AP3D1: variants seen among roughly 807,000 people sequenced by gnomAD.
The protein encoded by AP3D1 is adaptor related protein complex 3 subunit delta 1.
Under a neutral mutation model 147.6 loss-of-function variants are expected in AP3D1, and 51 were observed. The observed-to-expected ratio is 0.35, with a 90% confidence interval of 0.28 to 0.44. AP3D1 has a LOEUF of 0.44. Ranked by LOEUF, AP3D1 falls within the 20% of genes least tolerant of loss-of-function variation. The probability of loss-of-function intolerance (pLI) is 1.00; values close to 1 mark genes in which losing one functional copy is unlikely to be tolerated. For missense variants in AP3D1, 1,421 were observed against 1,624.2 expected (o/e 0.87, Z 2.15); for synonymous variants, 760 against 663.0 (o/e 1.15, Z -2.25).
intron 4 of AP3D1, among the ~76,000 whole-genome samples, chr19:2,133,837 C>T (rs1050261946): frequency 5.5e-5 from 8 of 146,498 alleles, no homozygotes; most frequent in Middle Eastern, 3.4e-3. Context: ...TGGCCGTGCG[C>T]GGTGGCTCAC....
chr19:2,101,863 GA>G lies in AP3D1; in HGVS notation c.*309del. The G allele has an allele frequency of 2.8e-6, 1 of 360,874 alleles. No homozygotes were observed. Among genetic ancestry groups the G allele is most frequent in the Non-Finnish European group, 5.1e-6 (1 of 195,144 alleles). 22.4% of individuals were successfully genotyped at this position (360,874 alleles called of 1,614,324 possible). A position where few individuals can be genotyped will look rare whatever the true frequency, so the allele number is the denominator to read the frequency against. On this transcript the variant is annotated 3_prime_UTR_variant, in exon 32 of 32. Coordinates refer to ENST00000643116, the MANE Select transcript of AP3D1 (RefSeq NM_001261826.3). ...GCCCTGGCCCAGGACAGGAGCCCCT[GA>G]AGCCACATTCAAGGACTCGGCCCCC...
chr19:2,123,425 C>A lies in AP3D1; in HGVS notation c.907-19G>T, dbSNP rs371596397. Reference sequence around the variant, plus strand: ...CACAAAGCTGAAAAGAAGAAAAAAACGATGCTGGTTACATCCTCTAAACCA... The same window carrying A: ...CACAAAGCTGAAAAGAAGAAAAAAAAGATGCTGGTTACATCCTCTAAACCA... On this transcript the variant is annotated intron_variant, in intron 10 of 31. Coordinates refer to ENST00000643116, the MANE Select transcript of AP3D1 (RefSeq NM_001261826.3). 6.2e-7 allele frequency: 1 copy of A among 1,613,358 alleles called. No homozygotes were observed. The highest frequency in any genetic ancestry group is 1.3e-5 in the African/African-American group (1 of 74,916).
At chr19:2,116,159 G>GTGAGGGTAGAGGGTGC (rs763013496) in intron 18 of AP3D1, 48 bp downstream of exon 18, 1 of 1,588,128 alleles carries the variant, frequency 6.3e-7, no homozygotes, top group Non-Finnish European at 8.6e-7. Flanking sequence ...GGCTCGGGTG[G>GTGAGGGTAGAGGGTGC]TGAGGGTAGA....
At chr19:2,153,034 G>A (rs1230409666), upstream of AP3D1, among the ~76,000 whole-genome samples, 3 of 142,150 alleles carry the variant, frequency 2.1e-5, no homozygotes, top group Non-Finnish European at 4.5e-5. Context: ...GACAGCTAGA[G>A]CAATATAGTC....
chr19:2,110,773 T>G lies in AP3D1; in HGVS notation c.3109A>C (p.Arg1037=), dbSNP rs541896236. ...ELSVLDSLNA[R]MARPQGSSVH... ...GAGGAGCCCTGCGGCCGGGCCATCC[T>G]GGCATTGAGTGAGTCCAGCACGCTG... The change falls in exon 27 of 32, where the codon AGG becomes CGG. Residue 1037 remains arginine (R), a synonymous_variant. Coordinates refer to ENST00000643116, the MANE Select transcript of AP3D1 (RefSeq NM_001261826.3). The G allele has an allele frequency of 1.2e-6, 2 of 1,612,954 alleles. No individual in the cohort carries two copies. Among genetic ancestry groups the G allele is most frequent in the Non-Finnish European group, 1.7e-6 (2 of 1,179,932 alleles).
chr19:2,109,964 G>A lies in AP3D1; in HGVS notation c.3265-6C>T, dbSNP rs566400421. 2 of 1,613,660 alleles carry A rather than the reference G, an allele frequency of 1.2e-6. No homozygotes were observed. Among genetic ancestry groups the A allele is most frequent in the African/African-American group, 1.3e-5 (1 of 75,056 alleles). ...TGGGTCGCACCCTCGTCATTCTGCG[G>A]TGGAGTGAAGGTGGTGCAGTTGAGA... On this transcript the variant is annotated splice_polypyrimidine_tract_variant and splice_region_variant and intron_variant, in intron 28 of 31. Coordinates refer to ENST00000643116, the MANE Select transcript of AP3D1 (RefSeq NM_001261826.3).
chr19:2,160,523 A>C (rs1599508792), intron 1 of AP3D1, among the ~76,000 whole-genome samples: 1 of 149,340 alleles, frequency 6.7e-6, no homozygotes, highest in Non-Finnish European at 1.5e-5. Context: ...ACAGAGCTAG[A>C]CTCCTCCGTC....
At chr19:2,109,461 C>T in intron 29 of AP3D1, 1 of 519,558 alleles carries the variant, frequency 1.9e-6, no homozygotes, top group South Asian at 2.7e-5. Context: ...CCTCCTCCGA[C>T]AAGGACGGAT....
chr19:2,150,974 C>T (rs1015050120), intron 1 of AP3D1, among the ~76,000 whole-genome samples: 2 of 152,218 alleles, frequency 1.3e-5, no homozygotes, highest in African/African-American at 4.8e-5. Flanking sequence ...TTTTGAACAG[C>T]GCTTCCCCCA....
chr19:2,142,172 C>T (rs922578671), intron 1 of AP3D1, among the ~76,000 whole-genome samples: 1 of 151,962 alleles, frequency 6.6e-6, no homozygotes, highest in African/African-American at 2.4e-5. Context: ...CAGGTACTAC[C>T]ACGCCTGGCT....
chr19:2,151,100 AG>A (rs2144582259), intron 1 of AP3D1, 138 bp downstream of exon 1: 1 of 745,838 alleles, frequency 1.3e-6, no homozygotes, highest in Non-Finnish European at 2.0e-6. Flanking sequence ...CAGGCCAGGC[AG>A]GGCCGGAGCC....
Position 2,110,250 on chromosome 19 carries a change from C to T in AP3D1, c.3176-26G>A, listed in dbSNP as rs1318625736. 17 of 1,602,446 alleles carry T rather than the reference C, an allele frequency of 1.1e-5. No individual in the cohort carries two copies. The African/African-American group carries it at 2.0e-4, about 19-fold the overall frequency. On this transcript the variant is annotated intron_variant, in intron 27 of 31. Coordinates refer to ENST00000643116, the MANE Select transcript of AP3D1 (RefSeq NM_001261826.3). The stretch of plus-strand genomic sequence containing the variant: ...CTGGCGGGGGCGAGAGGGAGTGGGG[C>T]CTGAGACGCTGCGGGGGCTCAGCAT...
rs370277199 is a variant in AP3D1, at chr19:2,118,807, A to G, written c.1507T>C (p.Leu503=). 6.2e-7 allele frequency: 1 copy of G among 1,613,550 alleles called. No individual in the cohort carries two copies. Among genetic ancestry groups the G allele is most frequent in the Non-Finnish European group, 8.5e-7 (1 of 1,179,964 alleles). ...SEHLQEPHHT[L]EAMLRPRVTT... is the part of the protein sequence containing the mutation. ...ACTCTGGGCCGCAGCATGGCCTCCA[A>G]AGTGTGGTGTGGTTCCTGCAGATGC... Residue 503 remains leucine (L), a synonymous_variant, in exon 15 of 32, where the codon TTG becomes CTG. Transcript: ENST00000643116.
chr19:2,114,259 T>C lies in AP3D1; in HGVS notation c.2467A>G (p.Asn823Asp). ...TCAGGGGATTTTGAGGTCTCGGTGT[T>C]TCTGTGTTTCTGAATAGGCAGTTTC... ...SEKLPIQKHR[N>D]TETSKSPEKD... is the part of the protein sequence containing the mutation. Residue 823 changes from asparagine to aspartate, a missense_variant, in exon 22 of 32, where the codon AAC becomes GAC. Physicochemically the swap from Asn to Asp is conservative, Grantham distance 23 (BLOSUM62 1). Around this residue, in one of 6 missense-constraint regions of AP3D1, gnomAD observed 791 missense variants for 761.4 expected, o/e 1.04. Coordinates refer to ENST00000643116, the MANE Select transcript of AP3D1 (RefSeq NM_001261826.3). The C allele has an allele frequency of 6.2e-7, 1 of 1,612,906 alleles. No homozygotes were observed. The highest frequency in any genetic ancestry group is 1.1e-5 in the South Asian group (1 of 91,034).
upstream of AP3D1, among the ~76,000 whole-genome samples, chr19:2,152,247 GCTCTGGAAA>G (rs958466907): frequency 1.3e-5 from 2 of 150,842 alleles, no homozygotes; most frequent in Non-Finnish European, 2.9e-5. Context: ...GTAAAAAAAA[GCTCTGGAAA>G]CTTGGCCAGC....
At chr19:2,128,519 C>T (rs551666264) in intron 8 of AP3D1, among the ~76,000 whole-genome samples, 16 of 128,070 alleles carry the variant, frequency 1.2e-4, no homozygotes, top group African/African-American at 4.7e-4. Flanking sequence ...CCCACAGCTC[C>T]GACACTGCAC....
chr19:2,137,063 C>T lies in AP3D1; in HGVS notation c.302G>A (p.Ser101Asn). 6.3e-7 allele frequency: 1 copy of T among 1,595,112 alleles called. No individual in the cohort carries two copies. The highest frequency in any genetic ancestry group is 8.5e-7 in the Non-Finnish European group (1 of 1,171,090). Residue 101 changes from serine to asparagine, a missense_variant, in exon 4 of 32, where the codon AGC (serine) becomes AAC (asparagine). Ser to Asn is a conservative substitution (Grantham distance 46). Coordinates refer to ENST00000643116, the MANE Select transcript of AP3D1 (RefSeq NM_001261826.3). ...GATGACGTCGGTGCCTTCGTGAAAG[C>T]TCTGGGAAGCAGCGAGGTAGCCAAT... is the stretch of plus-strand genomic sequence containing the variant. The part of the protein sequence containing the change: ...KRIGYLAASQ[S>N]FHEGTDVIML...
rs746438819 is a variant in AP3D1, at chr19:2,130,468, G to T, written c.532C>A (p.Pro178Thr). The change falls in exon 6 of 32, where the codon CCC becomes ACC. Residue 178 changes from proline (P) to threonine (T), a missense_variant. Coordinates refer to ENST00000643116, the MANE Select transcript of AP3D1 (RefSeq NM_001261826.3). ...LIMYKVFLKYPESLRPAFPRL... is the reference protein window; with the variant it reads ...LIMYKVFLKYTESLRPAFPRL... ...GGAAAGGCAGGGCGCAGCGACTCGGGGTACTTCAGGAACACCTTGTACATG... is the reference window on the plus strand; with the variant it reads ...GGAAAGGCAGGGCGCAGCGACTCGGTGTACTTCAGGAACACCTTGTACATG... The T allele has an allele frequency of 6.2e-7, 1 of 1,614,048 alleles. No homozygotes were observed. The highest frequency in any genetic ancestry group is 1.1e-5 in the South Asian group (1 of 91,080).
At chr19:2,131,671 G>A (rs2018950548) in intron 5 of AP3D1, among the ~76,000 whole-genome samples, 1 of 82,130 alleles carries the variant, frequency 1.2e-5, no homozygotes, top group Non-Finnish European at 2.8e-5. Context: ...CAGCCACGCG[G>A]GGACTGCGCC....
Sources: allele counts gnomAD v4.1 joint callset (sites outside exome capture counted in the v4.1 genomes callset), GRCh38; gene constraint gnomAD v4.1.1; regional missense constraint gnomAD v4.1.1; transcripts MANE v1.5; gene names NCBI Gene and HGNC (gene_info 2026-07-23, HGNC 2026-07-21).